The following SMARCA2 variants were observed in gnomAD, a reference collection of about 807,000 sequenced individuals.
SMARCA2 encodes SWI/SNF related BAF chromatin remodeling complex subunit ATPase 2.
A neutral mutation model predicts 199.8 loss-of-function variants in SMARCA2; 61 were observed. The ratio of observed to expected loss-of-function variants is 0.31; its 90% CI spans 0.25 to 0.38. SMARCA2 has a LOEUF of 0.38. SMARCA2 is among the 10% of genes least tolerant of loss of function. The probability of loss-of-function intolerance (pLI) is 1.00; values close to 1 mark genes in which losing one functional copy is unlikely to be tolerated. For missense variants in SMARCA2, 1,344 were observed against 2,012.2 expected (o/e 0.67, Z 6.35); for synonymous variants, 935 against 732.0 (o/e 1.28, Z -4.48).
intron 27 of SMARCA2, among the ~76,000 whole-genome samples, chr9:2,131,231 C>T (rs1823934347): frequency 6.6e-6 from 1 of 152,156 alleles, no homozygotes; most frequent in Non-Finnish European, 1.5e-5. Flanking sequence ...CTCACAATGT[C>T]TTGTAATTTT....
At chr9:2,054,909 T>G (rs959941559) in intron 6 of SMARCA2, among the ~76,000 whole-genome samples, 186 bp downstream of exon 6, 1 of 152,248 alleles carries the variant, frequency 6.6e-6, no homozygotes, top group Non-Finnish European at 1.5e-5. Flanking sequence ...AACTGCTTAT[T>G]ATTCTGGTTT....
intron 3 of SMARCA2, among the ~76,000 whole-genome samples, chr9:2,035,861 G>A (rs184427196): frequency 3.9e-5 from 6 of 152,286 alleles, no homozygotes; most frequent in Admixed American, 3.3e-4. Context: ...AGCAATATTA[G>A]TATAATGCAG....
intron 5 of SMARCA2, among the ~76,000 whole-genome samples, chr9:2,051,230 A>G (rs1820104893): frequency 6.6e-6 from 1 of 152,196 alleles, no homozygotes; most frequent in Admixed American, 6.5e-5. Context: ...AAATGCATAT[A>G]ATTTTACTAT....
At chr9:2,168,858 C>T (rs1181982157) in intron 28 of SMARCA2, among the ~76,000 whole-genome samples, 1 of 152,122 alleles carries the variant, frequency 6.6e-6, no homozygotes, top group Non-Finnish European at 1.5e-5. Flanking sequence ...TTGTTCAGAA[C>T]CCACTGAGTT....
At chr9:2,153,439 G>A (rs1825184751) in intron 27 of SMARCA2, among the ~76,000 whole-genome samples, 2 of 152,102 alleles carry the variant, frequency 1.3e-5, no homozygotes, top group East Asian at 3.9e-4. Context: ...GGGTGAGGTG[G>A]GAGGATTGCT....
chr9:2,159,733 A>G, intron 27 of SMARCA2: 2 of 1,518,238 alleles, frequency 1.3e-6, no homozygotes, highest in Non-Finnish European at 8.9e-7. Context: ...CAATCCTTTC[A>G]GTATTAAATT....
intron 27 of SMARCA2, among the ~76,000 whole-genome samples, chr9:2,131,800 C>T (rs570018635): frequency 3.3e-5 from 5 of 152,052 alleles, no homozygotes; most frequent in African/African-American, 7.2e-5. Flanking sequence ...ATTAGCTGGG[C>T]GTGGTGGCGG....
intron 32 of SMARCA2, among the ~76,000 whole-genome samples, chr9:2,188,868 A>G (rs1000025500): frequency 6.6e-6 from 1 of 152,016 alleles, no homozygotes; most frequent in Non-Finnish European, 1.5e-5. Context: ...CAAAGTTCCC[A>G]CTTTCTTGCT....
At position 2,176,614 on chromosome 9, in the gene SMARCA2, T is replaced by A. The variant is rs189704912; in HGVS notation, c.4254-4957T>A. 2.9e-3 allele frequency among the ~76,000 whole-genome samples: 445 copies of A among 152,218 alleles called. 2 individuals are homozygous for A. The highest frequency in any genetic ancestry group is 0.01 in the African/African-American group (434 of 41,528). On this transcript the variant is annotated intron_variant, in intron 29 of 33. Coordinates refer to ENST00000349721, the MANE Select transcript of SMARCA2 (RefSeq NM_003070.5). ...TTGACCAGGCTGGACTGCAGGGGCA[T>A]GATCTCAGCTCGCTGCGACCTCTGC... is the stretch of plus-strand genomic sequence containing the variant.
At chr9:2,134,073 C>T (rs747369779) in intron 27 of SMARCA2, among the ~76,000 whole-genome samples, 4 of 152,030 alleles carry the variant, frequency 2.6e-5, no homozygotes, top group African/African-American at 7.2e-5. Flanking sequence ...CTCAGAAATA[C>T]GTATTAGCTA....
chr9:2,082,594 T>A (rs1274687604), intron 15 of SMARCA2, among the ~76,000 whole-genome samples: 1 of 152,180 alleles, frequency 6.6e-6, no homozygotes, highest in Non-Finnish European at 1.5e-5. Flanking sequence ...AAGTGGGCAC[T>A]ACCGAGTGAG....
In SMARCA2 at chr9:2,155,720, C is replaced by CTTTTTTTTT. The variant is rs59156319; in HGVS notation, c.3982-5936_3982-5928dup. On this transcript the variant is annotated intron_variant, in intron 27 of 33. Coordinates refer to ENST00000349721, the MANE Select transcript of SMARCA2 (RefSeq NM_003070.5). ...TATGGCATATGGGGAAAGAGAAAAC[C>CTTTTTTTTT]TTTTTTTTTTTTTTTTTTTTTTTTT... Among the ~76,000 whole-genome samples the CTTTTTTTTT allele has an allele frequency of 5.6e-4, 30 of 53,190 alleles. 8 individuals carry two copies. Among genetic ancestry groups the CTTTTTTTTT allele is most frequent in the South Asian group, 2.1e-3 (2 of 936 alleles). 34.9% of individuals were successfully genotyped at this position (53,190 alleles called of 152,430 possible). A position where few individuals can be genotyped will look rare whatever the true frequency, so the allele number is the denominator to read the frequency against.
At chr9:2,042,852 G>A (rs1027178246) in intron 4 of SMARCA2, 3 of 152,052 alleles carry the variant, frequency 2.0e-5, no homozygotes, top group African/African-American at 7.2e-5. Flanking sequence ...GAATGAAGGA[G>A]GAAAGAAGAT....
At chr9:2,185,471 A>G (rs1443587969) in intron 31 of SMARCA2, among the ~76,000 whole-genome samples, 1 of 152,248 alleles carries the variant, frequency 6.6e-6, no homozygotes, top group Non-Finnish European at 1.5e-5. Context: ...GCTGCTAGGA[A>G]CATGGGTGTG....
intron 9 of SMARCA2, among the ~76,000 whole-genome samples, chr9:2,063,751 T>TA (rs1820703310): frequency 6.6e-6 from 1 of 151,686 alleles, no homozygotes; most frequent in South Asian, 2.1e-4. Context: ...TTTTTTTTTT[T>TA]TAATTCCCTA....
At chr9:2,153,501 A>G (rs1362181160) in intron 27 of SMARCA2, among the ~76,000 whole-genome samples, 1 of 152,114 alleles carries the variant, frequency 6.6e-6, no homozygotes, top group Non-Finnish European at 1.5e-5. Context: ...ACACCACTGC[A>G]CTCCAGCCTG....
intron 28 of SMARCA2, among the ~76,000 whole-genome samples, chr9:2,168,079 G>C (rs973099022): frequency 6.7e-6 from 1 of 150,362 alleles, no homozygotes; most frequent in Admixed American, 6.6e-5. Flanking sequence ...TGCCCAGCTG[G>C]AGTGCAGTGG....
rs1563725171 is a variant in SMARCA2, at chr9:2,039,841, CGCA to C, written c.732_734del (p.Gln245del). ...CAACAGCAGCCGCAGCAGCAGCCGC[CGCA>C]ACCACAGACGCAGCAACAACAGCAG... is the stretch of plus-strand genomic sequence containing the variant. On this transcript the variant is annotated inframe_deletion, in exon 4 of 34. Coordinates refer to ENST00000349721, the MANE Select transcript of SMARCA2 (RefSeq NM_003070.5). The surrounding 1 kb of genome is among the most constrained non-coding windows in gnomAD (Gnocchi z 4.8). 6.2e-7 allele frequency: 1 copy of C among 1,612,486 alleles called. No homozygotes were observed. Among genetic ancestry groups the C allele is most frequent in the Non-Finnish European group, 8.5e-7 (1 of 1,179,340 alleles).
rs890441197 is a variant in SMARCA2, at chr9:2,067,843, C to G, written c.1693-2575C>G. Among the ~76,000 whole-genome samples the G allele has an allele frequency of 8.5e-5, 13 of 152,252 alleles. No individual in the cohort carries two copies. The East Asian group carries it at 2.3e-3, about 27-fold the overall frequency. On this transcript the variant is annotated intron_variant, in intron 9 of 33. Coordinates refer to ENST00000349721, the MANE Select transcript of SMARCA2 (RefSeq NM_003070.5). ...GTAATGGAAGGGCCTGACTGTGAGG[C>G]AGTTTTTAGATAACAATCTAGCTAG...
Sources: allele counts gnomAD v4.1 joint callset (sites outside exome capture counted in the v4.1 genomes callset), GRCh38; gene constraint gnomAD v4.1.1; non-coding constraint Gnocchi (gnomAD v3.1); transcripts MANE v1.5; gene names NCBI Gene and HGNC (gene_info 2026-07-23, HGNC 2026-07-21).